MCF2L: variants seen among roughly 807,000 people sequenced by gnomAD.
MCF2L encodes guanine nucleotide exchange factor DBS.
Under a neutral mutation model 153.4 loss-of-function variants are expected in MCF2L, and 97 were observed. The ratio of observed to expected loss-of-function variants is 0.63; its 90% CI spans 0.54 to 0.75. MCF2L has a LOEUF of 0.75. Among genes scored for constraint, MCF2L ranks in the 30% least tolerant of loss-of-function variants. The pLI, the probability that MCF2L is intolerant of heterozygous loss-of-function variation, is 0.00. For synonymous variants in MCF2L, 659 were observed against 632.2 expected, an observed-to-expected ratio of 1.04 and a Z score of -0.64; for missense variants, 1,347 against 1,495.2, an observed-to-expected ratio of 0.90 and a Z score of 1.64.
In MCF2L at chr13:112,960,002, G is replaced by A. The variant is rs1009417263; in HGVS notation, c.170-54761G>A. ...GAGAGCCCTCTCTCTGTTCTCACGC[G>A]TCGGGCTGCGGCAGAGGTGCCTGTG... On this transcript the variant is annotated intron_variant, in intron 2 of 29. Coordinates refer to the MCF2L transcript ENST00000375608. The surrounding 1 kb of genome is among the most constrained non-coding windows in gnomAD (Gnocchi z 4.2). Among the ~76,000 whole-genome samples the A allele has an allele frequency of 2.0e-5, 3 of 152,232 alleles. No homozygotes were observed. The highest frequency in any genetic ancestry group is 6.5e-5 in the Admixed American group (1 of 15,286).
intron 3 of MCF2L, chr13:113,041,063 C>T (rs1160801751): frequency 6.6e-6 from 1 of 152,278 alleles, no homozygotes. Context: ...GGCAGCCCCT[C>T]CAAGGCCAAC....
rs1189576525 is a variant in MCF2L at position 113,094,560 on chromosome 13, G to A, written c.3000G>A (p.Gly1000=). The change falls in exon 27 of 30, where the codon GGG becomes GGA. Residue 1000 remains glycine (G), a synonymous_variant. Coordinates refer to ENST00000535094, the MANE Select transcript of MCF2L (RefSeq NM_001112732.3). ...CACTGGAGGCACCTGAGGACGACGG[G>A]GGCTGGTCAAGTGCAGAGGAGCAGA... The part of the protein sequence containing the change: ...SHSLEAPEDD[G]GWSSAEEQIN... The A allele has an allele frequency of 1.2e-6, 2 of 1,612,514 alleles. No individual in the cohort carries two copies. Among genetic ancestry groups the A allele is most frequent in the South Asian group, 1.1e-5 (1 of 91,054 alleles).
intron 27 of MCF2L, chr13:113,094,919 C>G: frequency 7.5e-7 from 1 of 1,336,958 alleles, no homozygotes; most frequent in Non-Finnish European, 1.0e-6. Context: ...CCCAGCTCCT[C>G]CTAGCTCCTC....
At chr13:112,952,920 G>A (rs892788268) in intron 2 of MCF2L, among the ~76,000 whole-genome samples, 2 of 151,988 alleles carry the variant, frequency 1.3e-5, no homozygotes, top group South Asian at 2.1e-4. Flanking sequence ...GGGGCGCCCC[G>A]TGTGATCAGC....
chr13:113,086,374 C>CCCTAGA lies in MCF2L; in HGVS notation c.2373+125_2373+126insCCTAGA, dbSNP rs1187495311. The CCCTAGA allele has an allele frequency of 3.6e-6, 5 of 1,402,674 alleles. No individual in the cohort carries two copies. The African/African-American group carries it at 5.9e-5, about 17-fold the overall frequency. The allele number at this position is 1,402,674 out of a possible 1,614,324, so 86.9% of individuals were successfully genotyped here. On this transcript the variant is annotated intron_variant, in intron 21 of 29. Transcript: ENST00000535094. ...AATGTGCAGGTTCTGGGCAGGAGGTCTGGGGTGGTCCCTAGATAAGCCCAC... is the reference window on the plus strand; with the variant it reads ...AATGTGCAGGTTCTGGGCAGGAGGTCCCTAGATGGGGTGGTCCCTAGATAAGCCCAC...
intron 1 of MCF2L, among the ~76,000 whole-genome samples, chr13:113,012,366 C>A (rs1231944085): frequency 2.9e-4 from 19 of 64,578 alleles, no homozygotes; most frequent in African/African-American, 9.7e-4. Flanking sequence ...CACTGTGATG[C>A]GGACGGTGGA....
rs567515386 is a variant in MCF2L, at chr13:113,046,170, C to T, written c.369+809C>T. On this transcript the variant is annotated intron_variant, in intron 4 of 29. Transcript: ENST00000535094. The surrounding 1 kb of genome is among the most constrained non-coding windows in gnomAD (Gnocchi z 4.4). ...CTTATTTTTGTCGGTAGCTCCCACCCGTATGCATGACCCCGGCATGGAGCA... is the reference window on the plus strand; with the variant it reads ...CTTATTTTTGTCGGTAGCTCCCACCTGTATGCATGACCCCGGCATGGAGCA... 1.2e-4 allele frequency: 21 copies of T among 176,842 alleles called. No individual in the cohort carries two copies. In the South Asian group the frequency reaches 2.9e-3, roughly 24 times the overall value. 11.0% of individuals were successfully genotyped at this position (176,842 alleles called of 1,614,324 possible). A position where few individuals can be genotyped will look rare whatever the true frequency, so the allele number is the denominator to read the frequency against.
At chr13:112,898,408 G>A (rs2081088514) in intron 1 of MCF2L, among the ~76,000 whole-genome samples, 2 of 152,138 alleles carry the variant, frequency 1.3e-5, no homozygotes, top group African/African-American at 4.8e-5. Flanking sequence ...GGCTGCCCAC[G>A]CTGCTGCTGG....
chr13:113,090,905 G>C (rs956461563), intron 26 of MCF2L: 2 of 1,178,050 alleles, frequency 1.7e-6, no homozygotes, highest in Admixed American at 7.6e-5. Flanking sequence ...TCTGAGTGCC[G>C]CAGCCCCCAC....
chr13:113,018,893 G>C (rs942251244), intron 2 of MCF2L, among the ~76,000 whole-genome samples: 1 of 152,178 alleles, frequency 6.6e-6, no homozygotes, highest in Non-Finnish European at 1.5e-5. Flanking sequence ...TTGCTTTTAC[G>C]GGAATGTGGC....
chr13:113,084,673 C>T, intron 18 of MCF2L: 1 of 583,930 alleles, frequency 1.7e-6, no homozygotes, highest in Non-Finnish European at 3.1e-6. Context: ...GGCTCTGGGA[C>T]AGGGAGCCCC....
At position 112,918,166 on chromosome 13, in the gene MCF2L, C is replaced by T. The variant is rs1306170506; in HGVS notation, c.169+15795C>T. Among the ~76,000 whole-genome samples the T allele has an allele frequency of 2.0e-5, 3 of 152,248 alleles. No individual in the cohort carries two copies. The East Asian group carries it at 5.8e-4, about 29-fold the overall frequency. ...AGCAATCGCAAATTAAGGGAACGCA[C>T]TGTGTCCGGGAAGGCATCTGCGCGG... On this transcript the variant is annotated intron_variant, in intron 2 of 29. Coordinates refer to the MCF2L transcript ENST00000375608.
rs780137211 is a variant in MCF2L, at chr13:113,075,129, G to A, written c.1248G>A (p.Glu416=). 7 of 1,613,058 alleles carry A rather than the reference G, an allele frequency of 4.3e-6. No homozygotes were observed. The highest frequency in any genetic ancestry group is 5.1e-6 in the Non-Finnish European group (6 of 1,179,794). ...LRHLCDQFSA[E]IARRRGLLSK... ...ACCTCTGTGACCAGTTCTCTGCGGA[G>A]ATCGCAAGGAGGAGGGGGCTGCTCA... The change falls in exon 11 of 30, where the codon GAG becomes GAA. Residue 416 remains glutamate, a synonymous_variant. Transcript: ENST00000535094.
At chr13:112,915,410 C>CA (rs779274453) in intron 2 of MCF2L, among the ~76,000 whole-genome samples, 43,710 of 87,032 alleles carry the variant, frequency 0.5, 11,659 homozygotes, top group East Asian at 0.66. Context: ...CTCTGTCTCA[C>CA]AAAAAAAAAA....
chr13:113,055,564 C>G (rs544004584), intron 4 of MCF2L, among the ~76,000 whole-genome samples: 2 of 152,274 alleles, frequency 1.3e-5, no homozygotes, highest in South Asian at 2.1e-4. Flanking sequence ...ACTGGTTTTC[C>G]GTAAATAGTG....
At chr13:113,065,377 G>C in intron 7 of MCF2L, 2 of 444,298 alleles carry the variant, frequency 4.5e-6, no homozygotes, top group Non-Finnish European at 8.1e-6. Context: ...CGTGGCTTCA[G>C]GAGTGGGACC....
Position 113,035,073 on chromosome 13 carries a change from G to A in MCF2L, c.279-10198G>A, listed in dbSNP as rs2086068585. Reference sequence around the variant, plus strand: ...CTCGGGAGGAAGGGTTCCTGTCCACGTTCAGCACCCCCGTGCAGACCTCAC... The same window carrying A: ...CTCGGGAGGAAGGGTTCCTGTCCACATTCAGCACCCCCGTGCAGACCTCAC... On this transcript the variant is annotated intron_variant, in intron 3 of 29. Transcript: ENST00000535094. This position sits in a 1 kb window ranked among gnomAD's most constrained non-coding sequence, Gnocchi z 4.4. Among the ~76,000 whole-genome samples, 3 of 152,194 alleles carry A rather than the reference G, an allele frequency of 2.0e-5. No individual in the cohort carries two copies. Among genetic ancestry groups the A allele is most frequent in the African/African-American group, 7.2e-5 (3 of 41,448 alleles).
chr13:112,894,341 G>T (rs868145257), upstream of MCF2L: 3 of 144,274 alleles, frequency 2.1e-5, no homozygotes, highest in African/African-American at 8.1e-5. Context: ...GCCCAGTGTC[G>T]GCGCAGCCCT....
intron 4 of MCF2L, among the ~76,000 whole-genome samples, chr13:113,056,727 G>GTTTA (rs2029911665): frequency 6.7e-6 from 1 of 149,444 alleles, no homozygotes; most frequent in Admixed American, 6.6e-5. Context: ...GGTGCTGAGT[G>GTTTA]GGTGCTGAGT....
Sources: allele counts gnomAD v4.1 joint callset (sites outside exome capture counted in the v4.1 genomes callset), GRCh38; gene constraint gnomAD v4.1.1; non-coding constraint Gnocchi (gnomAD v3.1); transcripts MANE v1.5; gene names NCBI Gene and HGNC (gene_info 2026-07-23, HGNC 2026-07-21).